Variants in CDV3 observed in about 807,000 individuals in gnomAD.
The protein encoded by CDV3 is protein CDV3 homolog.
Under a neutral mutation model 24.5 loss-of-function variants are expected in CDV3, and 14 were observed. The observed-to-expected ratio is 0.57, with a 90% CI of 0.38 to 0.89. CDV3 has a LOEUF of 0.89. CDV3 is among the 40% of genes least tolerant of loss of function. The pLI is 0.00. For synonymous variants in CDV3, 114 were observed against 114.1 expected (o/e 1.00, Z 0.00); for missense variants, 304 against 310.2 (o/e 0.98, Z 0.15).
At chr3:133,576,840 G>GTTTTTTTTTTTTTTTTTTTT (rs1378596698) in intron 2 of CDV3, among the ~76,000 whole-genome samples, 2 of 26,058 alleles carry the variant, frequency 7.7e-5, no homozygotes, top group African/African-American at 1.3e-4. Context: ...AGGTAGACTA[G>GTTTTTTTTTTTTTTTTTTTT]CTTTTTTTTT....
rs535661133 is a variant in CDV3 at position 133,574,357 on chromosome 3, C to T, written c.240+73C>T. The T allele has an allele frequency of 7.2e-5, 66 of 921,194 alleles. No individual in the cohort carries two copies. The African/African-American group carries it at 1.1e-3, about 15-fold the overall frequency. 57.1% of individuals were successfully genotyped at this position (921,194 alleles called of 1,614,324 possible). The stretch of plus-strand genomic sequence containing the variant: ...GCCCCATGTGCCCGCCCCCGCCTGC[C>T]GGGGAAGCGTCCGGGAGGGGCCGCG... On this transcript the variant is annotated intron_variant, in intron 1 of 4. Transcript: ENST00000264993.
intron 2 of CDV3, among the ~76,000 whole-genome samples, chr3:133,579,843 T>C (rs1163624270): frequency 6.6e-6 from 1 of 152,222 alleles, no homozygotes; most frequent in Non-Finnish European, 1.5e-5. Context: ...TCTGCCCGCC[T>C]CTGCCTCCCA....
Position 133,573,891 on chromosome 3 carries a change from C to T in CDV3, c.-154C>T. ...CTCGCCAGCACGCAGGGGGAGCCGC[C>T]CGTCTCGCCGCGCACGCCTCGGCGA... On this transcript the variant is annotated 5_prime_UTR_variant, in exon 1 of 5. Coordinates refer to ENST00000264993, the MANE Select transcript of CDV3 (RefSeq NM_017548.5). The T allele has an allele frequency of 4.6e-6, 2 of 430,832 alleles. No individual in the cohort carries two copies. The highest frequency in any genetic ancestry group is 6.2e-6 in the Non-Finnish European group (2 of 323,332). The allele number at this position is 430,832 out of a possible 1,614,324, so 26.7% of individuals were successfully genotyped here. A position where few individuals can be genotyped will look rare whatever the true frequency, so the allele number is the denominator to read the frequency against.
chr3:133,573,984 G>A lies in CDV3; in HGVS notation c.-61G>A. The A allele has an allele frequency of 9.9e-7, 1 of 1,010,812 alleles. No individual in the cohort carries two copies. The allele number at this position is 1,010,812 out of a possible 1,614,324, so 62.6% of individuals were successfully genotyped here. Reference sequence around the variant, plus strand: ...CAGAGCCGGCCTCGACCCCGAGCTCGGAGCCCCGCGGGCCGCGCCCGCCGC... The same window carrying A: ...CAGAGCCGGCCTCGACCCCGAGCTCAGAGCCCCGCGGGCCGCGCCCGCCGC... On this transcript the variant is annotated 5_prime_UTR_variant, in exon 1 of 5. Coordinates refer to ENST00000264993, the MANE Select transcript of CDV3 (RefSeq NM_017548.5).
At chr3:133,583,284 T>C (rs943231090) in intron 2 of CDV3, among the ~76,000 whole-genome samples, 1 of 152,228 alleles carries the variant, frequency 6.6e-6, no homozygotes, top group Non-Finnish European at 1.5e-5. Flanking sequence ...TGAGAGTATT[T>C]TATGTGCGAA....
chr3:133,574,470 T>A, intron 1 of CDV3, 186 bp downstream of exon 1: 1 of 986,356 alleles, frequency 1.0e-6, no homozygotes, highest in African/African-American at 1.7e-5. Flanking sequence ...CCTTCCGATA[T>A]CCGCGGTGGA....
chr3:133,587,686 A>T, intron 4 of CDV3: 1 of 1,331,792 alleles, frequency 7.5e-7, no homozygotes, highest in South Asian at 2.2e-5. Context: ...TCAGTAGAAG[A>T]TAGGACCCTA....
Position 133,585,047 on chromosome 3 carries a change from T to C in CDV3, c.466+897T>C, listed in dbSNP as rs963799105. On this transcript the variant is annotated intron_variant, in intron 3 of 4. Transcript: ENST00000264993. ...GCAGAAATCACAGATAACTACTCTA[T>C]GTTAAATTTTTATTTTTATATTTTT... 5.3e-5 allele frequency among the ~76,000 whole-genome samples: 8 copies of C among 152,294 alleles called. No homozygotes were observed. In the East Asian group the frequency reaches 1.5e-3, roughly 29 times the overall value.
In CDV3 at chr3:133,574,011, G is replaced by C; in HGVS notation, c.-34G>C. 1 of 1,051,822 alleles carries C rather than the reference G, an allele frequency of 9.5e-7. No homozygotes were observed. Among genetic ancestry groups the C allele is most frequent in the Non-Finnish European group, 1.2e-6 (1 of 867,776 alleles). 65.2% of individuals were successfully genotyped at this position (1,051,822 alleles called of 1,614,324 possible). The stretch of plus-strand genomic sequence containing the variant: ...AGCCCCGCGGGCCGCGCCCGCCGCC[G>C]GCCCCACCCATCCGGGTCGAGGAGG... On this transcript the variant is annotated 5_prime_UTR_variant, in exon 1 of 5. Coordinates refer to ENST00000264993, the MANE Select transcript of CDV3 (RefSeq NM_017548.5).
In CDV3 at chr3:133,574,290, G is replaced by T; in HGVS notation, c.240+6G>T. On this transcript the variant is annotated splice_donor_region_variant and intron_variant, in intron 1 of 4. Transcript: ENST00000264993. Reference sequence around the variant, plus strand: ...CCACCAAGGCTGTGACGAAGGTGAGGGGCCGGGAGGCCGGCACTCGGGGCC... The same window carrying T: ...CCACCAAGGCTGTGACGAAGGTGAGTGGCCGGGAGGCCGGCACTCGGGGCC... The T allele has an allele frequency of 4.1e-6, 4 of 978,664 alleles. No individual in the cohort carries two copies. The highest frequency in any genetic ancestry group is 4.9e-6 in the Non-Finnish European group (4 of 823,480). The allele number at this position is 978,664 out of a possible 1,614,324, so 60.6% of individuals were successfully genotyped here.
At position 133,588,147 on chromosome 3, in the gene CDV3, G is replaced by A; in HGVS notation, c.*101G>A. 1 of 1,560,452 alleles carries A rather than the reference G, an allele frequency of 6.4e-7. No individual in the cohort carries two copies. On this transcript the variant is annotated 3_prime_UTR_variant, in exon 5 of 5. Transcript: ENST00000264993. ...CTCTGCTGGATCTACAGACACCGATGCAGACCACTCGATTTCATGACCGGC... is the reference window on the plus strand; with the variant it reads ...CTCTGCTGGATCTACAGACACCGATACAGACCACTCGATTTCATGACCGGC...
chr3:133,587,762 T>C (rs1204884022), intron 4 of CDV3, 134 bp from the exon 5 acceptor site: 4 of 1,435,846 alleles, frequency 2.8e-6, no homozygotes, highest in Non-Finnish European at 3.7e-6. Context: ...TGATAAGGAT[T>C]TTCTATATGC....
chr3:133,580,159 C>T (rs1392906692), intron 2 of CDV3, among the ~76,000 whole-genome samples: 1 of 151,810 alleles, frequency 6.6e-6, no homozygotes, highest in African/African-American at 2.4e-5. Context: ...TGTGATGTTC[C>T]CCTCCCTGTG....
intron 2 of CDV3, among the ~76,000 whole-genome samples, chr3:133,576,283 G>A (rs2074803833): frequency 6.6e-6 from 1 of 152,236 alleles, no homozygotes; most frequent in Non-Finnish European, 1.5e-5. Flanking sequence ...GTGTTGAGTA[G>A]AAGTGATTAG....
At chr3:133,574,324 G>C (rs1280601356) in intron 1 of CDV3, 40 bp downstream of exon 1, 1 of 931,658 alleles carries the variant, frequency 1.1e-6, no homozygotes, top group Non-Finnish European at 1.3e-6. Context: ...CCCGGGCCGC[G>C]CGCCGGCGCC....
rs1933805510 is a variant in CDV3 at position 133,588,181 on chromosome 3, A to G, written c.*135A>G. 1 of 1,538,730 alleles carries G rather than the reference A, an allele frequency of 6.5e-7. No homozygotes were observed. Among genetic ancestry groups the G allele is most frequent in the South Asian group, 1.3e-5 (1 of 78,630 alleles). The stretch of plus-strand genomic sequence containing the variant: ...TCGATTTCATGACCGGCCCTATTGC[A>G]CTATGGAAGTTAAAGTGTCACGACT... On this transcript the variant is annotated 3_prime_UTR_variant, in exon 5 of 5. Transcript: ENST00000264993.
chr3:133,586,948 A>C (rs1933666379), intron 4 of CDV3, among the ~76,000 whole-genome samples: 4 of 152,224 alleles, frequency 2.6e-5, no homozygotes. Flanking sequence ...TTCTGTCTGC[A>C]AAAGTTTATC....
intron 2 of CDV3, among the ~76,000 whole-genome samples, chr3:133,577,056 C>T (rs1017375157): frequency 2.6e-5 from 4 of 151,814 alleles, no homozygotes; most frequent in Non-Finnish European, 5.9e-5. Context: ...TCATGTTGGT[C>T]AGGCTGGTTT....
intron 1 of CDV3, 95 bp downstream of exon 1, chr3:133,574,379 C>A (rs575995429): frequency 4.3e-6 from 4 of 933,410 alleles, no homozygotes; most frequent in East Asian, 2.3e-4. Flanking sequence ...CGGGAGGGGC[C>A]GCGGAGGCCG....
Sources: gnomAD v4.1 joint callset for allele counts (sites outside exome capture counted in the v4.1 genomes callset) on GRCh38, gnomAD v4.1.1 for gene constraint, MANE v1.5 for transcripts, NCBI Gene and HGNC (gene_info 2026-07-23, HGNC 2026-07-21) for gene names.